The following SLC8A3 variants were observed in gnomAD, a reference collection of about 807,000 sequenced individuals.
SLC8A3 encodes sodium/calcium exchanger 3.
A neutral mutation model predicts 65.4 loss-of-function variants in SLC8A3; 37 were observed. The ratio of observed to expected loss-of-function variants is 0.57; its 90% CI spans 0.44 to 0.74. The LOEUF is 0.74. Ranked by LOEUF, SLC8A3 falls within the 30% of genes least tolerant of loss-of-function variation. The probability of loss-of-function intolerance (pLI) is 0.00; values close to 1 mark genes in which losing one functional copy is unlikely to be tolerated. For synonymous variants in SLC8A3, 461 were observed against 444.5 expected (o/e 1.04, Z -0.47); for missense variants, 1,112 against 1,172.1 (o/e 0.95, Z 0.75).
At position 70,167,808 on chromosome 14, in the gene SLC8A3, G is replaced by A; in HGVS notation, c.615C>T (p.Ile205=). 1 of 1,614,140 alleles carries A rather than the reference G, an allele frequency of 6.2e-7. No individual in the cohort carries two copies. Among genetic ancestry groups the A allele is most frequent in the Non-Finnish European group, 8.5e-7 (1 of 1,180,024 alleles). ...AGGCAAAGATACTCCAAGCAGCGGT[G>A]ATGAAGAAGACTCGTAGATGCTTGA... is the stretch of plus-strand genomic sequence containing the variant. ...RKIKHLRVFF[I]TAAWSIFAYI... Residue 205 remains isoleucine, a synonymous_variant, in exon 2 of 7, where the codon ATC becomes ATT. Transcript: ENST00000356921.
Position 70,129,192 on chromosome 14 carries a change from AAG to A in SLC8A3, c.1784+37445_1784+37446del, listed in dbSNP as rs1168176271. ...GCCACACCCAATGCCTGAGTGGAGGAAGAGAGTGTAACAGCATGAGCTGAACC... is the reference window on the plus strand; with the variant it reads ...GCCACACCCAATGCCTGAGTGGAGGAAGAGTGTAACAGCATGAGCTGAACC... On this transcript the variant is annotated intron_variant, in intron 2 of 6. Transcript: ENST00000356921. 2.0e-5 allele frequency among the ~76,000 whole-genome samples: 3 copies of A among 152,162 alleles called. No individual in the cohort carries two copies. In the East Asian group the frequency reaches 5.8e-4, roughly 29 times the overall value.
intron 2 of SLC8A3, among the ~76,000 whole-genome samples, chr14:70,161,414 C>T (rs10483824): frequency 0.11 from 16,052 of 151,240 alleles, 1,148 homozygotes; most frequent in Non-Finnish European, 0.16. Context: ...TGCTAAGTAT[C>T]CCCATTCAAC....
chr14:70,081,233 C>A (rs12883784), intron 2 of SLC8A3, among the ~76,000 whole-genome samples: 1 of 151,928 alleles, frequency 6.6e-6, no homozygotes, highest in Non-Finnish European at 1.5e-5. Context: ...GTTGAAGTAC[C>A]CATATTAGAA....
intron 3 of SLC8A3, chr14:70,055,797 T>C (rs1460346969): frequency 1.2e-5 from 19 of 1,610,716 alleles, no homozygotes; most frequent in Non-Finnish European, 1.5e-5. Flanking sequence ...ACCTCTTACC[T>C]GGAGATAACA....
At chr14:70,152,622 T>C (rs970197477) in intron 2 of SLC8A3, among the ~76,000 whole-genome samples, 1 of 152,030 alleles carries the variant, frequency 6.6e-6, no homozygotes, top group Non-Finnish European at 1.5e-5. Context: ...CTCAGCCTCC[T>C]ACACACCCAA....
At chr14:70,080,981 C>T (rs1749541576) in intron 2 of SLC8A3, among the ~76,000 whole-genome samples, 1 of 152,220 alleles carries the variant, frequency 6.6e-6, no homozygotes, top group African/African-American at 2.4e-5. Flanking sequence ...GAGAATTGAA[C>T]TCAAGCCACC....
chr14:70,065,175 G>T (rs1258431385), intron 2 of SLC8A3, among the ~76,000 whole-genome samples: 3 of 152,106 alleles, frequency 2.0e-5, no homozygotes, highest in African/African-American at 4.8e-5. Context: ...TATAAAATAG[G>T]AATCTTTACA....
intron 2 of SLC8A3, among the ~76,000 whole-genome samples, chr14:70,115,459 T>C (rs1893592883): frequency 6.6e-6 from 1 of 152,200 alleles, no homozygotes; most frequent in Non-Finnish European, 1.5e-5. Context: ...GGTTTTCCCT[T>C]CTGGAATAAT....
Position 70,167,220 on chromosome 14 carries a change from G to A in SLC8A3, c.1203C>T (p.Asp401=), listed in dbSNP as rs777564632. 2.3e-5 allele frequency: 37 copies of A among 1,614,058 alleles called. No homozygotes were observed. Among genetic ancestry groups the A allele is most frequent in the Non-Finnish European group, 3.1e-5 (36 of 1,180,036 alleles). The change falls in exon 2 of 7, where the codon GAC becomes GAT. Residue 401 remains aspartate (D), a synonymous_variant. Transcript: ENST00000356921. ...TCTCCAGGCACTGGTAAGAACATGG[G>A]TCAAAGAAGACCTTGGAAATAAAGT... ...PEDFISKVFF[D]PCSYQCLENC...
intron 2 of SLC8A3, among the ~76,000 whole-genome samples, chr14:70,153,945 G>A (rs61978178): frequency 0.11 from 16,248 of 152,248 alleles, 1,170 homozygotes; most frequent in Non-Finnish European, 0.16. Flanking sequence ...ATCATCTGTC[G>A]GTAGTTGCTG....
At chr14:70,158,569 C>T (rs961240402) in intron 2 of SLC8A3, among the ~76,000 whole-genome samples, 6 of 152,096 alleles carry the variant, frequency 3.9e-5, no homozygotes, top group African/African-American at 1.2e-4. Context: ...CTATACACTC[C>T]ACAAATAACT....
Position 70,166,751 on chromosome 14 carries a change from C to T in SLC8A3, c.1672G>A (p.Ala558Thr). 1 of 1,613,976 alleles carries T rather than the reference C, an allele frequency of 6.2e-7. No individual in the cohort carries two copies. The highest frequency in any genetic ancestry group is 8.5e-7 in the Non-Finnish European group (1 of 1,179,838). The part of the protein sequence containing the change: ...MEVKVLRTSG[A>T]RGTVIVPFRT... ...AAGGGGACGATGACTGTACCCCGGG[C>T]ACCTGATGTCCGCAGAACCTTGACC... is the stretch of plus-strand genomic sequence containing the variant. The change falls in exon 2 of 7, where the codon GCC becomes ACC. Residue 558 changes from alanine to threonine, a missense_variant. Transcript: ENST00000356921.
intron 2 of SLC8A3, among the ~76,000 whole-genome samples, chr14:70,076,284 A>G (rs1890511751): frequency 1.3e-5 from 2 of 151,980 alleles, no homozygotes; most frequent in South Asian, 4.2e-4. Flanking sequence ...GCTACTCTCC[A>G]TCATATCTGT....
intron 2 of SLC8A3, among the ~76,000 whole-genome samples, chr14:70,064,715 CTTTCTCAGTCCTACGATGA>C (rs1889221702): frequency 2.0e-5 from 3 of 152,244 alleles, no homozygotes; most frequent in South Asian, 4.1e-4. Context: ...ATCACGATTC[CTTTCTCAGTCCTACGATGA>C]TTTTGTGGCT....
intron 3 of SLC8A3, among the ~76,000 whole-genome samples, chr14:70,053,472 G>T (rs1476934503): frequency 6.6e-6 from 1 of 152,178 alleles, no homozygotes; most frequent in Non-Finnish European, 1.5e-5. Context: ...TCCTTTACTT[G>T]CAGGTTTAAG....
chr14:70,055,067 C>T (rs1442621492), intron 3 of SLC8A3, among the ~76,000 whole-genome samples: 1 of 152,034 alleles, frequency 6.6e-6, no homozygotes, highest in African/African-American at 2.4e-5. Context: ...GATTGGTTTC[C>T]ACTCATGCAA....
chr14:70,167,678 A>G lies in SLC8A3; in HGVS notation c.745T>C (p.Trp249Arg). Residue 249 changes from tryptophan (W) to arginine (R), a missense_variant, in exon 2 of 7, where the codon TGG becomes CGG. Transcript: ENST00000356921. ...AAGAGCAGTCGTTTATCTGCCACCC[A>G]GGCCAGAAGGACACACACTGGAAAG... The part of the protein sequence containing the change: ...FFFPVCVLLA[W>R]VADKRLLFYK... The G allele has an allele frequency of 1.9e-6, 3 of 1,614,148 alleles. No homozygotes were observed. Among genetic ancestry groups the G allele is most frequent in the Non-Finnish European group, 2.5e-6 (3 of 1,180,020 alleles).
chr14:70,116,117 A>T (rs959422140), intron 2 of SLC8A3, among the ~76,000 whole-genome samples: 1 of 152,170 alleles, frequency 6.6e-6, no homozygotes, highest in Non-Finnish European at 1.5e-5. Context: ...GGTAGTGCTG[A>T]AAGCTCAGAG....
At chr14:70,097,935 T>C (rs1892298105) in intron 2 of SLC8A3, among the ~76,000 whole-genome samples, 1 of 152,174 alleles carries the variant, frequency 6.6e-6, no homozygotes, top group Non-Finnish European at 1.5e-5. Context: ...CTAGATCCCG[T>C]CTTTGAACAT....
Sources: allele counts gnomAD v4.1 joint callset (sites outside exome capture counted in the v4.1 genomes callset), GRCh38; gene constraint gnomAD v4.1.1; transcripts MANE v1.5; gene names NCBI Gene and HGNC (gene_info 2026-07-23, HGNC 2026-07-21).